VEPH1: variants seen among roughly 807,000 people sequenced by gnomAD.
The protein encoded by VEPH1 is ventricular zone-expressed PH domain-containing protein homolog 1.
VEPH1 carries 80 observed loss-of-function variants against 85.2 expected under a neutral mutation model. That is an observed-to-expected ratio of 0.94 (90% CI 0.78 to 1.13). The LOEUF is 1.13. Among genes scored for constraint, VEPH1 ranks in the 50% most tolerant of loss-of-function variants. The probability of loss-of-function intolerance (pLI) is 0.00; values close to 1 mark genes in which losing one functional copy is unlikely to be tolerated. For synonymous variants in VEPH1, 297 were observed against 348.0 expected, an observed-to-expected ratio of 0.85 and a Z score of 1.63; for missense variants, 955 against 980.5, an observed-to-expected ratio of 0.97 and a Z score of 0.35.
chr3:157,400,165 T>C lies in VEPH1; in HGVS notation c.906+13716A>G, dbSNP rs957758656. Among the ~76,000 whole-genome samples the C allele has an allele frequency of 5.3e-5, 8 of 152,238 alleles. No individual in the cohort carries two copies. In the East Asian group the frequency reaches 1.3e-3, roughly 26 times the overall value. The stretch of plus-strand genomic sequence containing the variant: ...TCATGGGAGAGTAATAAATCACGCT[T>C]AGTAAAACAAAGCTGTCTGGGCAAA... On this transcript the variant is annotated intron_variant, in intron 6 of 13. Transcript: ENST00000362010.
intron 7 of VEPH1, among the ~76,000 whole-genome samples, chr3:157,379,863 A>G (rs1287689398): frequency 6.6e-6 from 1 of 152,200 alleles, no homozygotes; most frequent in Admixed American, 6.5e-5. Flanking sequence ...TTTAACCAGT[A>G]TCTGAGCCTC....
intron 2 of VEPH1, among the ~76,000 whole-genome samples, chr3:157,473,020 T>A (rs73158523): frequency 0.15 from 22,065 of 151,108 alleles, 2,083 homozygotes; most frequent in African/African-American, 0.25. Flanking sequence ...TAACAAAATA[T>A]TTTTTCTCAT....
At chr3:157,287,857 G>A (rs1193763457) in intron 11 of VEPH1, among the ~76,000 whole-genome samples, 1 of 152,178 alleles carries the variant, frequency 6.6e-6, no homozygotes, top group Non-Finnish European at 1.5e-5. Flanking sequence ...GAGCCACCGT[G>A]CATGGCCTGC....
At chr3:157,428,300 A>G in intron 5 of VEPH1, 22 bp downstream of exon 5, 1 of 1,613,320 alleles carries the variant, frequency 6.2e-7, no homozygotes, top group Non-Finnish European at 8.5e-7. Flanking sequence ...GTGCACCATG[A>G]CATATACAAT....
intron 9 of VEPH1, among the ~76,000 whole-genome samples, chr3:157,329,033 G>T (rs1722226472): frequency 6.6e-6 from 1 of 152,150 alleles, no homozygotes; most frequent in African/African-American, 2.4e-5. Context: ...CATAGGTTAT[G>T]CTTAGATGAA....
chr3:157,422,288 G>A (rs1732404655), intron 5 of VEPH1, among the ~76,000 whole-genome samples: 1 of 152,188 alleles, frequency 6.6e-6, no homozygotes, highest in South Asian at 2.1e-4. Context: ...AAGATGAAGT[G>A]CATGTGAAAA....
At chr3:157,293,942 G>A (rs187470080) in intron 11 of VEPH1, among the ~76,000 whole-genome samples, 172 of 152,318 alleles carry the variant, frequency 1.1e-3, no homozygotes, top group Admixed American at 1.9e-3. Flanking sequence ...GCAGTAAAAT[G>A]TAATCACAGA....
intron 4 of VEPH1, among the ~76,000 whole-genome samples, chr3:157,459,064 G>T (rs1735610686): frequency 6.6e-6 from 1 of 152,200 alleles, no homozygotes; most frequent in African/African-American, 2.4e-5. Flanking sequence ...GAGGAGAAAG[G>T]CTAGTGTTCT....
At chr3:157,334,968 T>C (rs1722827035) in intron 9 of VEPH1, among the ~76,000 whole-genome samples, 1 of 152,210 alleles carries the variant, frequency 6.6e-6, no homozygotes. Context: ...GTTATTCGCC[T>C]TTCTATTTTC....
chr3:157,290,405 G>A (rs892332023), intron 11 of VEPH1, among the ~76,000 whole-genome samples: 8 of 152,144 alleles, frequency 5.3e-5, no homozygotes, highest in African/African-American at 1.4e-4. Context: ...TGACACTCTG[G>A]TACTGTGAGA....
At position 157,469,791 on chromosome 3, in the gene VEPH1, A is replaced by C. The variant is rs571968539; in HGVS notation, c.354+523T>G. On this transcript the variant is annotated intron_variant, in intron 3 of 13. Coordinates refer to ENST00000362010, the MANE Select transcript of VEPH1 (RefSeq NM_001167912.2). The stretch of plus-strand genomic sequence containing the variant: ...TACACAACTCATTAGCGGCTGAGCC[A>C]AAACTCCAAATTCACATTTATACCA... Among the ~76,000 whole-genome samples, 94 of 152,352 alleles carry C rather than the reference A, an allele frequency of 6.2e-4. 1 individual carries two copies. The highest frequency in any genetic ancestry group is 2.2e-3 in the African/African-American group (90 of 41,588).
At chr3:157,409,875 T>G (rs1731408757) in intron 6 of VEPH1, 1 of 985,306 alleles carries the variant, frequency 1.0e-6, no homozygotes, top group Admixed American at 6.1e-5. Flanking sequence ...CACAGGAGAC[T>G]CTGCTCTTCT....
At chr3:157,486,485 CAAA>C (rs576141960) in intron 2 of VEPH1, among the ~76,000 whole-genome samples, 6 of 118,328 alleles carry the variant, frequency 5.1e-5, no homozygotes, top group Non-Finnish European at 7.4e-5. Flanking sequence ...GACTCTGACT[CAAA>C]AAAAAAAAAA....
chr3:157,472,314 G>A (rs768541526), intron 2 of VEPH1, among the ~76,000 whole-genome samples: 1 of 152,014 alleles, frequency 6.6e-6, no homozygotes. Flanking sequence ...AATCTATCTG[G>A]TATTTATGGA....
At chr3:157,285,905 C>T (rs115602638) in intron 12 of VEPH1, among the ~76,000 whole-genome samples, 124 of 152,248 alleles carry the variant, frequency 8.1e-4, no homozygotes, top group African/African-American at 2.8e-3. Flanking sequence ...ATCAGTAAAG[C>T]AGAGATAATG....
chr3:157,303,405 A>C (rs1719057208), intron 11 of VEPH1, among the ~76,000 whole-genome samples: 1 of 152,218 alleles, frequency 6.6e-6, no homozygotes, highest in Non-Finnish European at 1.5e-5. Flanking sequence ...GGTATAGAGC[A>C]GGCATTTGCA....
At chr3:157,295,126 G>T (rs998467120) in intron 11 of VEPH1, among the ~76,000 whole-genome samples, 1 of 152,202 alleles carries the variant, frequency 6.6e-6, no homozygotes, top group Non-Finnish European at 1.5e-5. Context: ...GGATGTGTAA[G>T]ATGACATCTG....
intron 9 of VEPH1, among the ~76,000 whole-genome samples, chr3:157,335,237 G>GAA (rs59720322): frequency 0.054 from 7,731 of 142,806 alleles, 609 homozygotes; most frequent in African/African-American, 0.17. Flanking sequence ...ACATCTCTAT[G>GAA]AAAAAAAAAA....
intron 2 of VEPH1, among the ~76,000 whole-genome samples, chr3:157,483,884 T>A (rs1396445621): frequency 6.6e-6 from 1 of 152,146 alleles, no homozygotes; most frequent in Non-Finnish European, 1.5e-5. Context: ...TGAATAAATA[T>A]CATTTCTAAA....
Sources: gnomAD v4.1 joint callset for allele counts (sites outside exome capture counted in the v4.1 genomes callset) on GRCh38, gnomAD v4.1.1 for gene constraint, MANE v1.5 for transcripts, NCBI Gene and HGNC (gene_info 2026-07-23, HGNC 2026-07-21) for gene names.